Variants in KIF13A observed in about 807,000 individuals in gnomAD.
KIF13A encodes kinesin family member 13A, also known as kinesin-like protein KIF13A.
In KIF13A, 79 loss-of-function variants were observed where a neutral mutation model predicts 212.2. That is an observed-to-expected ratio of 0.37 (90% CI 0.31 to 0.45). The LOEUF (loss-of-function observed/expected upper bound fraction) is 0.45. Among genes scored for constraint, KIF13A ranks in the 20% least tolerant of loss-of-function variants. The pLI is 1.00. For missense variants in KIF13A, 1,901 were observed against 2,209.0 expected (o/e 0.86, Z 2.79); for synonymous variants, 789 against 808.6 (o/e 0.98, Z 0.41).
chr6:17,907,937 C>A (rs766187258), intron 2 of KIF13A, among the ~76,000 whole-genome samples: 1 of 152,084 alleles, frequency 6.6e-6, no homozygotes, highest in Admixed American at 6.5e-5. Flanking sequence ...GAGACTCAAG[C>A]GTGAATGTAA....
intron 2 of KIF13A, among the ~76,000 whole-genome samples, chr6:17,977,544 A>G (rs1046809755): frequency 6.6e-6 from 1 of 152,230 alleles, no homozygotes; most frequent in Non-Finnish European, 1.5e-5. Context: ...TTAAAATTAT[A>G]AATGTGAAAA....
chr6:17,966,067 G>A (rs1779280415), intron 2 of KIF13A, among the ~76,000 whole-genome samples: 2 of 152,148 alleles, frequency 1.3e-5, no homozygotes, highest in Non-Finnish European at 2.9e-5. Flanking sequence ...GATGGCGTGT[G>A]CCTATAATTC....
intron 2 of KIF13A, among the ~76,000 whole-genome samples, chr6:17,976,780 C>A (rs1353662651): frequency 7.3e-6 from 1 of 136,946 alleles, no homozygotes; most frequent in Admixed American, 7.9e-5. Flanking sequence ...CTATCCTGGG[C>A]AACAGAGCAA....
chr6:17,871,784 G>A lies in KIF13A; in HGVS notation c.220+1593C>T, dbSNP rs1411678763. On this transcript the variant is annotated intron_variant, in intron 4 of 38. Coordinates refer to ENST00000259711, the MANE Select transcript of KIF13A (RefSeq NM_022113.6). The surrounding 1 kb of genome is among the most constrained non-coding windows in gnomAD (Gnocchi z 4.4). ...AGTATCTGAGAAGTGCATGAGAAGA[G>A]CTCCAGTTCAGGAAGATATATATGG... is the stretch of plus-strand genomic sequence containing the variant. 6.6e-6 allele frequency among the ~76,000 whole-genome samples: 1 copy of A among 152,176 alleles called. No homozygotes were observed. The highest frequency in any genetic ancestry group is 1.5e-5 in the Non-Finnish European group (1 of 68,034).
intron 2 of KIF13A, among the ~76,000 whole-genome samples, chr6:17,954,693 G>C (rs954096086): frequency 1.3e-5 from 2 of 152,018 alleles, no homozygotes; most frequent in Non-Finnish European, 2.9e-5. Flanking sequence ...TGTTGTTAGA[G>C]ACAGGATCTC....
At position 17,794,541 on chromosome 6, in the gene KIF13A, A is replaced by T. The variant is rs1761871690; in HGVS notation, c.3075+31T>A. On this transcript the variant is annotated intron_variant, in intron 24 of 38. Coordinates refer to ENST00000259711, the MANE Select transcript of KIF13A (RefSeq NM_022113.6). This position sits in a 1 kb window ranked among gnomAD's most constrained non-coding sequence, Gnocchi z 4.1. The stretch of plus-strand genomic sequence containing the variant: ...TGTAAGAGTGGAACAGAGAGAAAAC[A>T]TTAAAAAAAAACCCAAAACAAACTC... 1 of 1,576,992 alleles carries T rather than the reference A, an allele frequency of 6.3e-7. No individual in the cohort carries two copies. Among genetic ancestry groups the T allele is most frequent in the Non-Finnish European group, 8.6e-7 (1 of 1,164,234 alleles).
intron 2 of KIF13A, chr6:17,953,440 T>C (rs1481597932): frequency 6.6e-6 from 1 of 152,058 alleles, no homozygotes; most frequent in Non-Finnish European, 1.5e-5. Context: ...AAAAAAAAAA[T>C]CTTTAAAGCC....
rs758658273 is a variant in KIF13A at position 17,787,918 on chromosome 6, A to G, written c.3262-43T>C. 28 of 1,027,336 alleles carry G rather than the reference A, an allele frequency of 2.7e-5. No individual in the cohort carries two copies. In the African/African-American group the frequency reaches 4.2e-4, roughly 15 times the overall value. 63.6% of individuals were successfully genotyped at this position (1,027,336 alleles called of 1,614,324 possible). A position where few individuals can be genotyped will look rare whatever the true frequency, so the allele number is the denominator to read the frequency against. On this transcript the variant is annotated intron_variant, in intron 26 of 38. Coordinates refer to ENST00000259711, the MANE Select transcript of KIF13A (RefSeq NM_022113.6). This position sits in a 1 kb window ranked among gnomAD's most constrained non-coding sequence, Gnocchi z 4.6. ...AAATATTTTCCTGTAGACTGCACAGACAACGATTTCTTTCTTTCTTTTTTT... is the reference window on the plus strand; with the variant it reads ...AAATATTTTCCTGTAGACTGCACAGGCAACGATTTCTTTCTTTCTTTTTTT...
Position 17,976,556 on chromosome 6 carries a change from G to C in KIF13A, c.146+10498C>G, listed in dbSNP as rs541163768. Among the ~76,000 whole-genome samples the C allele has an allele frequency of 1.4e-4, 22 of 152,244 alleles. No homozygotes were observed. The East Asian group carries it at 4.3e-3, about 30-fold the overall frequency. On this transcript the variant is annotated intron_variant, in intron 2 of 38. Coordinates refer to ENST00000259711, the MANE Select transcript of KIF13A (RefSeq NM_022113.6). ...AGCGCGGCGCGCAGCCCCGGTTCCC[G>C]CTCGCGCCTCTCCCTCCACACCTCC...
chr6:17,875,820 A>T (rs528987742), intron 3 of KIF13A, among the ~76,000 whole-genome samples: 1 of 152,226 alleles, frequency 6.6e-6, no homozygotes, highest in African/African-American at 2.4e-5. Flanking sequence ...AAATGTGTAG[A>T]GCAATGTTCC....
rs2150344060 is a variant in KIF13A at position 17,808,700 on chromosome 6, G to C, written c.2163+68C>G. ...CCTCAGGCATGTTTCTGGGGTTTCA[G>C]TTTTAGATCCTATTTTACAATATTT... On this transcript the variant is annotated intron_variant, in intron 18 of 38. Coordinates refer to ENST00000259711, the MANE Select transcript of KIF13A (RefSeq NM_022113.6). 3 of 1,470,726 alleles carry C rather than the reference G, an allele frequency of 2.0e-6. No individual in the cohort carries two copies. The East Asian group carries it at 7.0e-5, about 34-fold the overall frequency. The allele number at this position is 1,470,726 out of a possible 1,614,324, so 91.1% of individuals were successfully genotyped here.
intron 29 of KIF13A, among the ~76,000 whole-genome samples, chr6:17,781,532 CCA>C (rs1417792392): frequency 6.6e-6 from 1 of 151,480 alleles, no homozygotes; most frequent in Non-Finnish European, 1.5e-5. Flanking sequence ...ACTATGTTGT[CCA>C]GTCTGGTCTT....
intron 3 of KIF13A, chr6:17,882,153 C>T (rs368160245): frequency 4.5e-5 from 20 of 439,986 alleles, no homozygotes; most frequent in African/African-American, 2.6e-4. Context: ...TTCATTTGTC[C>T]TTTCGAGTTG....
chr6:17,859,939 A>C (rs1018843115), intron 4 of KIF13A, among the ~76,000 whole-genome samples: 7 of 151,994 alleles, frequency 4.6e-5, no homozygotes, highest in Admixed American at 3.3e-4. Context: ...TCCTCACAAT[A>C]CCCAGGTAGA....
Position 17,895,366 on chromosome 6 carries a change from T to A in KIF13A, c.159+2802A>T, listed in dbSNP as rs558971909. Among the ~76,000 whole-genome samples the A allele has an allele frequency of 7.2e-5, 11 of 152,306 alleles. No homozygotes were observed. In the South Asian group the frequency reaches 1.0e-3, roughly 14 times the overall value. The stretch of plus-strand genomic sequence containing the variant: ...ATTGGACATTGTATTTTTAAAACAG[T>A]TTGTGGAATCACTAAAGACTTAGGA... On this transcript the variant is annotated intron_variant, in intron 3 of 38. Coordinates refer to ENST00000259711, the MANE Select transcript of KIF13A (RefSeq NM_022113.6). This position sits in a 1 kb window ranked among gnomAD's most constrained non-coding sequence, Gnocchi z 4.4.
intron 14 of KIF13A, among the ~76,000 whole-genome samples, chr6:17,827,707 C>A (rs1457740740): frequency 6.6e-6 from 1 of 151,710 alleles, no homozygotes; most frequent in Admixed American, 6.6e-5. Flanking sequence ...TTTTCTGTAG[C>A]AACGGTGTCT....
intron 16 of KIF13A, among the ~76,000 whole-genome samples, chr6:17,818,377 C>T (rs909649158): frequency 1.3e-5 from 2 of 152,010 alleles, no homozygotes; most frequent in African/African-American, 4.8e-5. Flanking sequence ...CTGGTTTTTC[C>T]AAGATACCCT....
rs1216914455 is a variant in KIF13A at position 17,826,657 on chromosome 6, G to C, written c.1533-533C>G. Among the ~76,000 whole-genome samples, 4 of 151,952 alleles carry C rather than the reference G, an allele frequency of 2.6e-5. No homozygotes were observed. Among genetic ancestry groups the C allele is most frequent in the Non-Finnish European group, 4.4e-5 (3 of 68,002 alleles). The stretch of plus-strand genomic sequence containing the variant: ...CCCATTTGTTAAAAGAGATCTAAGA[G>C]GAATACTATAAAACAATGGTAGGAT... On this transcript the variant is annotated intron_variant, in intron 14 of 38. Transcript: ENST00000259711. This position sits in a 1 kb window ranked among gnomAD's most constrained non-coding sequence, Gnocchi z 4.7.
chr6:17,910,535 C>T (rs1339339637), intron 2 of KIF13A, among the ~76,000 whole-genome samples: 6 of 152,164 alleles, frequency 3.9e-5, no homozygotes, highest in Non-Finnish European at 8.8e-5. Context: ...AGTTTGACTA[C>T]TGAAGTCCAA....
Sources: gnomAD v4.1 joint callset for allele counts (sites outside exome capture counted in the v4.1 genomes callset) on GRCh38, gnomAD v4.1.1 for gene constraint, Gnocchi (gnomAD v3.1) non-coding constraint, MANE v1.5 for transcripts, NCBI Gene and HGNC (gene_info 2026-07-23, HGNC 2026-07-21) for gene names.